PDE4B: variants seen among roughly 807,000 people sequenced by gnomAD.
PDE4B encodes 3',5'-cyclic-AMP phosphodiesterase 4B.
In PDE4B, 20 loss-of-function variants were observed where a neutral mutation model predicts 82.2. That is an observed-to-expected ratio of 0.24 (90% CI 0.17 to 0.35). PDE4B has a LOEUF of 0.35. Among genes scored for constraint, PDE4B ranks in the 10% least tolerant of loss-of-function variants. The probability of loss-of-function intolerance (pLI) is 1.00; values close to 1 mark genes in which losing one functional copy is unlikely to be tolerated. For synonymous variants in PDE4B, 320 were observed against 318.9 expected (o/e 1.00, Z -0.04); for missense variants, 655 against 907.2 (o/e 0.72, Z 3.57).
intron 8 of PDE4B, among the ~76,000 whole-genome samples, chr1:66,350,644 A>G (rs1661753207): frequency 6.6e-6 from 1 of 152,164 alleles, no homozygotes; most frequent in African/African-American, 2.4e-5. Flanking sequence ...CCCAAATTTT[A>G]GATTTGAGAA....
chr1:66,253,088 T>C (rs1653915623), intron 4 of PDE4B, among the ~76,000 whole-genome samples: 1 of 152,248 alleles, frequency 6.6e-6, no homozygotes, highest in Non-Finnish European at 1.5e-5. Context: ...TCAAGAGTTG[T>C]ACATATGTAA....
At chr1:65,929,001 T>C (rs1328084476) in intron 3 of PDE4B, among the ~76,000 whole-genome samples, 1 of 152,224 alleles carries the variant, frequency 6.6e-6, no homozygotes, top group Non-Finnish European at 1.5e-5. Flanking sequence ...CATTCCCATG[T>C]TCTTCAGATT....
At chr1:66,281,370 G>C (rs1656288800) in intron 7 of PDE4B, among the ~76,000 whole-genome samples, 1 of 152,204 alleles carries the variant, frequency 6.6e-6, no homozygotes, top group Non-Finnish European at 1.5e-5. Context: ...AAGTAACAGT[G>C]AGTGGGAATT....
intron 3 of PDE4B, among the ~76,000 whole-genome samples, chr1:66,108,088 C>T (rs985983483): frequency 6.6e-6 from 1 of 151,840 alleles, no homozygotes; most frequent in African/African-American, 2.4e-5. Context: ...AAAGTCTACT[C>T]TCTTAGCAAT....
At chr1:65,851,472 G>T (rs188210970) in intron 1 of PDE4B, among the ~76,000 whole-genome samples, 1 of 151,900 alleles carries the variant, frequency 6.6e-6, no homozygotes, top group Admixed American at 6.6e-5. Context: ...AATGAACATT[G>T]TATGTTTCTC....
intron 14 of PDE4B, 22 bp downstream of exon 14, chr1:66,367,872 A>C: frequency 6.2e-7 from 1 of 1,612,920 alleles, no homozygotes; most frequent in South Asian, 1.1e-5. Flanking sequence ...GCCTCTCTAC[A>C]TTCCTCACTT....
chr1:65,811,122 A>G (rs1645814665), intron 1 of PDE4B, among the ~76,000 whole-genome samples: 1 of 152,238 alleles, frequency 6.6e-6, no homozygotes, highest in Non-Finnish European at 1.5e-5. Flanking sequence ...CAGAGAGGAA[A>G]TCACCTGAAG....
intron 3 of PDE4B, among the ~76,000 whole-genome samples, chr1:66,181,138 G>A (rs1647055665): frequency 6.6e-6 from 1 of 152,156 alleles, no homozygotes; most frequent in Admixed American, 6.5e-5. Context: ...TTTAGGGCTT[G>A]CTCAGTTAGG....
intron 3 of PDE4B, among the ~76,000 whole-genome samples, chr1:66,130,790 C>A (rs138032928): frequency 3.1e-4 from 47 of 152,318 alleles, no homozygotes; most frequent in African/African-American, 1.1e-3. Flanking sequence ...AACAGAATCA[C>A]AGATCATCTC....
At chr1:66,187,459 G>C (rs947097456) in intron 3 of PDE4B, among the ~76,000 whole-genome samples, 1 of 152,098 alleles carries the variant, frequency 6.6e-6, no homozygotes, top group African/African-American at 2.4e-5. Context: ...AATCCATCTG[G>C]TCCTGGACTC....
At chr1:66,287,035 A>C (rs1252764200) in intron 7 of PDE4B, among the ~76,000 whole-genome samples, 2 of 152,170 alleles carry the variant, frequency 1.3e-5, no homozygotes, top group East Asian at 1.9e-4. Context: ...GACACTGACT[A>C]TGTGTGTAGC....
chr1:65,884,870 T>TGACAA (rs1646753798), intron 1 of PDE4B, among the ~76,000 whole-genome samples: 1 of 152,100 alleles, frequency 6.6e-6, no homozygotes, highest in African/African-American at 2.4e-5. Flanking sequence ...GGGATCTAAT[T>TGACAA]AAACTAAGGA....
chr1:65,936,163 C>CT (rs1225422901), intron 3 of PDE4B, among the ~76,000 whole-genome samples: 6 of 152,114 alleles, frequency 3.9e-5, no homozygotes, highest in Admixed American at 2.6e-4. Context: ...TCTTGCCCCA[C>CT]TGGAGGGTCT....
At chr1:65,933,103 C>G (rs935180660) in intron 3 of PDE4B, among the ~76,000 whole-genome samples, 1 of 151,628 alleles carries the variant, frequency 6.6e-6, no homozygotes, top group African/African-American at 2.4e-5. Context: ...CTAGGAAGCC[C>G]AGCAGATACC....
chr1:66,000,963 A>G (rs994030666), intron 3 of PDE4B, among the ~76,000 whole-genome samples: 1 of 152,172 alleles, frequency 6.6e-6, no homozygotes, highest in African/African-American at 2.4e-5. Flanking sequence ...AACATGGATG[A>G]TTATATGCTT....
chr1:65,803,307 CA>C (rs768423730), intron 1 of PDE4B, among the ~76,000 whole-genome samples: 5 of 152,022 alleles, frequency 3.3e-5, no homozygotes, highest in Non-Finnish European at 7.4e-5. Context: ...GTTATAAAGA[CA>C]AATGAAATAA....
chr1:66,358,161 T>G (rs1462839973), intron 9 of PDE4B, among the ~76,000 whole-genome samples: 1 of 152,182 alleles, frequency 6.6e-6, no homozygotes, highest in African/African-American at 2.4e-5. Context: ...ATGAGGTAAC[T>G]TGACCAAGAT....
At chr1:66,271,612 GT>G (rs1303478318) in intron 7 of PDE4B, among the ~76,000 whole-genome samples, 1 of 152,138 alleles carries the variant, frequency 6.6e-6, no homozygotes, top group Admixed American at 6.5e-5. Context: ...TCCAAACACA[GT>G]TTCTTTCTTT....
At chr1:66,000,739 G>A (rs981706025) in intron 3 of PDE4B, among the ~76,000 whole-genome samples, 3 of 152,188 alleles carry the variant, frequency 2.0e-5, no homozygotes, top group African/African-American at 7.2e-5. Context: ...ACAGACCAAG[G>A]CTTGTCCTCC....
Sources: allele counts gnomAD v4.1 joint callset (sites outside exome capture counted in the v4.1 genomes callset), GRCh38; gene constraint gnomAD v4.1.1; transcripts MANE v1.5; gene names NCBI Gene and HGNC (gene_info 2026-07-23, HGNC 2026-07-21).